DSE: variants seen among roughly 807,000 people sequenced by gnomAD.
The protein encoded by DSE is dermatan sulfate epimerase.
DSE carries 36 observed loss-of-function variants against 84.4 expected under a neutral mutation model. That is an observed-to-expected ratio of 0.43 (90% CI 0.33 to 0.56). The LOEUF is 0.56. Ranked by LOEUF, DSE falls within the 20% of genes least tolerant of loss-of-function variation. DSE has a pLI of 0.06. For missense variants in DSE, 862 were observed against 1,169.6 expected (o/e 0.74, Z 3.84); for synonymous variants, 410 against 430.1 (o/e 0.95, Z 0.58).
intron 1 of DSE, among the ~76,000 whole-genome samples, chr6:116,373,049 AG>A (rs1413818618): frequency 8.3e-6 from 1 of 119,954 alleles, no homozygotes; most frequent in Non-Finnish European, 1.7e-5. Context: ...CACCAAGTGA[AG>A]GGGAATTAAA....
At chr6:116,256,724 T>A (rs1033205288) in intron 1 of DSE, 2 of 152,322 alleles carry the variant, frequency 1.3e-5, no homozygotes, top group African/African-American at 2.4e-5. Flanking sequence ...ATAAAAATTT[T>A]AAAAAATTTT....
chr6:116,302,762 T>C (rs1309056888), intron 2 of DSE, among the ~76,000 whole-genome samples: 1 of 152,252 alleles, frequency 6.6e-6, no homozygotes, highest in Non-Finnish European at 1.5e-5. Context: ...TCTAGGGTTT[T>C]TTATGGTTTT....
intron 2 of DSE, among the ~76,000 whole-genome samples, chr6:116,358,246 T>G (rs546933298): frequency 1.3e-5 from 2 of 152,210 alleles, no homozygotes; most frequent in African/African-American, 4.8e-5. Flanking sequence ...TTTCTGATCA[T>G]AGAGATCTAG....
intron 2 of DSE, among the ~76,000 whole-genome samples, chr6:116,263,244 C>T (rs527840847): frequency 1.3e-5 from 2 of 152,212 alleles, no homozygotes; most frequent in East Asian, 1.9e-4. Flanking sequence ...TAGGAGTCTA[C>T]GTCTCTTTGA....
intron 2 of DSE, among the ~76,000 whole-genome samples, chr6:116,332,881 C>T (rs1324946851): frequency 1.3e-5 from 2 of 152,098 alleles, no homozygotes; most frequent in African/African-American, 2.4e-5. Context: ...TCAGGCATTT[C>T]ACAAAAATAG....
At chr6:116,329,887 G>A (rs1164544688) in intron 2 of DSE, among the ~76,000 whole-genome samples, 2 of 152,138 alleles carry the variant, frequency 1.3e-5, no homozygotes, top group African/African-American at 2.4e-5. Flanking sequence ...GCAATGACGC[G>A]ATCTCAGCTC....
chr6:116,408,343 C>T (rs2115016715), intron 2 of DSE, among the ~76,000 whole-genome samples: 1 of 152,316 alleles, frequency 6.6e-6, no homozygotes, highest in Non-Finnish European at 1.5e-5. Flanking sequence ...TTTGTCTCCT[C>T]TACTGGCACA....
chr6:116,332,737 A>G (rs1777025641), intron 2 of DSE, among the ~76,000 whole-genome samples: 1 of 152,228 alleles, frequency 6.6e-6, no homozygotes, highest in African/African-American at 2.4e-5. Flanking sequence ...TTATGAAAAG[A>G]CACCTTTAAT....
chr6:116,257,951 A>G (rs1772215660), intron 1 of DSE, among the ~76,000 whole-genome samples: 1 of 152,238 alleles, frequency 6.6e-6, no homozygotes, highest in Admixed American at 6.5e-5. Flanking sequence ...AAGAGAAACA[A>G]GAATTCATGA....
At chr6:116,379,964 G>C (rs1453297976) in intron 1 of DSE, among the ~76,000 whole-genome samples, 1 of 152,090 alleles carries the variant, frequency 6.6e-6, no homozygotes, top group Non-Finnish European at 1.5e-5. Flanking sequence ...TGGAGTTAGT[G>C]GTGTTAGGGT....
In DSE at chr6:116,279,397, G is replaced by A. The variant is rs1254609585; in HGVS notation, c.-54+20430G>A. Reference sequence around the variant, plus strand: ...CTCCGCCTCAGCCTCCGCCCCCGCCGTCAGCTCAGACGCGGATCTCTGGGC... The same window carrying A: ...CTCCGCCTCAGCCTCCGCCCCCGCCATCAGCTCAGACGCGGATCTCTGGGC... On this transcript the variant is annotated intron_variant, in intron 2 of 3. Coordinates refer to the DSE transcript ENST00000430252. 1.9e-6 allele frequency: 3 copies of A among 1,612,926 alleles called. No homozygotes were observed. Among genetic ancestry groups the A allele is most frequent in the African/African-American group, 1.3e-5 (1 of 74,920 alleles).
intron 2 of DSE, among the ~76,000 whole-genome samples, chr6:116,281,005 G>A (rs189753352): frequency 1.8e-4 from 27 of 152,322 alleles, no homozygotes; most frequent in Middle Eastern, 6.8e-3. Context: ...AAGGGACTTC[G>A]CAGATATGAT....
At position 116,279,919 on chromosome 6, in the gene DSE, T is replaced by A. The variant is rs1582930956; in HGVS notation, c.-54+20952T>A. ...TAACCGCCGCTCGCACCGCCCACCC[T>A]ACAGTCTCACTAACATTTCAGCGGC... On this transcript the variant is annotated intron_variant, in intron 2 of 3. Coordinates refer to the DSE transcript ENST00000430252. 6 of 1,568,104 alleles carry A rather than the reference T, an allele frequency of 3.8e-6. 1 individual carries two copies. In the East Asian group the frequency reaches 1.3e-4, roughly 35 times the overall value.
chr6:116,282,350 T>C (rs1435696500), intron 2 of DSE, among the ~76,000 whole-genome samples: 3 of 152,184 alleles, frequency 2.0e-5, no homozygotes, highest in African/African-American at 7.2e-5. Flanking sequence ...TATTCCAATA[T>C]GTCTCCTATT....
intron 2 of DSE, among the ~76,000 whole-genome samples, chr6:116,337,569 A>G (rs2501053): frequency 0.76 from 115,135 of 152,078 alleles, 44,860 homozygotes; most frequent in East Asian, 1. Context: ...CCGAGATCAC[A>G]CCATTGCACT....
chr6:116,277,327 T>C (rs998320597), intron 2 of DSE: 5 of 152,790 alleles, frequency 3.3e-5, no homozygotes, highest in Admixed American at 6.5e-5. Flanking sequence ...TTCATCATCA[T>C]TGGGGAGTAA....
chr6:116,394,931 T>C (rs1781144047), intron 1 of DSE, among the ~76,000 whole-genome samples: 2 of 152,236 alleles, frequency 1.3e-5, no homozygotes, highest in African/African-American at 4.8e-5. Context: ...TTGAAAATGC[T>C]ATGCTCTTGA....
chr6:116,303,992 C>T (rs12210044), intron 2 of DSE, among the ~76,000 whole-genome samples: 35,654 of 151,780 alleles, frequency 0.23, 5,571 homozygotes, highest in Non-Finnish European at 0.36. Flanking sequence ...AAAAACTAGC[C>T]GGGCATGGTG....
At chr6:116,387,702 T>G (rs1463475140) in intron 1 of DSE, among the ~76,000 whole-genome samples, 2 of 152,234 alleles carry the variant, frequency 1.3e-5, no homozygotes, top group Admixed American at 6.5e-5. Context: ...CTCACTTTCC[T>G]CATCTATTTC....
Sources: allele counts gnomAD v4.1 joint callset (sites outside exome capture counted in the v4.1 genomes callset), GRCh38; gene constraint gnomAD v4.1.1; transcripts MANE v1.5; gene names NCBI Gene and HGNC (gene_info 2026-07-23, HGNC 2026-07-21).